The following PTPRE variants were observed in gnomAD, a reference collection of about 807,000 sequenced individuals.
PTPRE encodes receptor-type tyrosine-protein phosphatase epsilon.
Under a neutral mutation model 102.0 loss-of-function variants are expected in PTPRE, and 51 were observed. The ratio of observed to expected loss-of-function variants is 0.50; its 90% CI spans 0.40 to 0.63. PTPRE has a LOEUF of 0.63. Ranked by LOEUF, PTPRE falls within the 30% of genes least tolerant of loss-of-function variation. The pLI, the probability that PTPRE is intolerant of heterozygous loss-of-function variation, is 0.00. For synonymous variants in PTPRE, 345 were observed against 348.2 expected (o/e 0.99, Z 0.10); for missense variants, 752 against 915.1 (o/e 0.82, Z 2.30).
At chr10:128,022,134 T>C (rs925717371) in intron 2 of PTPRE, among the ~76,000 whole-genome samples, 3 of 152,138 alleles carry the variant, frequency 2.0e-5, no homozygotes, top group Non-Finnish European at 2.9e-5. Flanking sequence ...GAAGAGGTGG[T>C]CTTGACCTGA....
intron 10 of PTPRE, 116 bp downstream of exon 10, chr10:128,063,296 A>C: frequency 1.3e-6 from 2 of 1,490,964 alleles, no homozygotes; most frequent in Admixed American, 2.3e-5. Context: ...CTATCACTGC[A>C]GAAAAAAACC....
intron 1 of PTPRE, among the ~76,000 whole-genome samples, chr10:127,917,280 C>T (rs933797961): frequency 6.6e-6 from 1 of 151,490 alleles, no homozygotes; most frequent in Non-Finnish European, 1.5e-5. Flanking sequence ...GCAGCTGATT[C>T]CAGCAGGGAG....
intron 15 of PTPRE, 24 bp from the exon 16 acceptor site, chr10:128,072,114 C>T (rs1421937612): frequency 6.2e-7 from 1 of 1,606,018 alleles, no homozygotes; most frequent in Non-Finnish European, 8.5e-7. Flanking sequence ...TTTGTAATAA[C>T]TAAAGGAAGA....
chr10:127,910,132 C>T (rs537406186), intron 1 of PTPRE, among the ~76,000 whole-genome samples: 1 of 152,358 alleles, frequency 6.6e-6, no homozygotes, highest in Admixed American at 6.5e-5. Context: ...AGGGTAAAGA[C>T]TGGCCTTCTT....
chr10:128,072,212 G>A lies in PTPRE; in HGVS notation c.1462G>A (p.Asp488Asn). The A allele has an allele frequency of 6.2e-7, 1 of 1,613,094 alleles. No homozygotes were observed. The highest frequency in any genetic ancestry group is 8.5e-7 in the Non-Finnish European group (1 of 1,179,284). The part of the protein sequence containing the change: ...YTDYINASFI[D>N]GYRQKDYFIA... ...AGACTACATCAACGCATCCTTCATAGACGTACGTATGCTGGCCTGGGTTGT... is the reference window on the plus strand; with the variant it reads ...AGACTACATCAACGCATCCTTCATAAACGTACGTATGCTGGCCTGGGTTGT... Residue 488 changes from aspartate (D) to asparagine (N), a missense_variant and splice_region_variant, in exon 16 of 21, where the codon GAC becomes AAC. Physicochemically the swap from Asp to Asn is conservative, Grantham distance 23. Around this residue, in one of 2 missense-constraint regions of PTPRE, gnomAD observed 636 missense variants for 824.4 expected, o/e 0.77. Coordinates refer to ENST00000254667, the MANE Select transcript of PTPRE (RefSeq NM_006504.6).
rs142491488 is a variant in PTPRE, at chr10:128,011,411, G to A, written c.-8+29115G>A. 1.2e-3 allele frequency among the ~76,000 whole-genome samples: 180 copies of A among 152,328 alleles called. 2 individuals carry two copies. Among genetic ancestry groups the A allele is most frequent in the African/African-American group, 4.2e-3 (176 of 41,582 alleles). On this transcript the variant is annotated intron_variant, in intron 2 of 20. Coordinates refer to ENST00000254667, the MANE Select transcript of PTPRE (RefSeq NM_006504.6). ...TGCAAGGATACTGGTTGAGGTGACTGGGGGACCCCGGAGGAGGCGCGGGTT... is the reference window on the plus strand; with the variant it reads ...TGCAAGGATACTGGTTGAGGTGACTAGGGGACCCCGGAGGAGGCGCGGGTT...
intron 1 of PTPRE, among the ~76,000 whole-genome samples, chr10:127,960,379 GA>G (rs1449409359): frequency 6.6e-6 from 1 of 152,202 alleles, no homozygotes; most frequent in East Asian, 1.9e-4. Context: ...TAATAGCAAA[GA>G]TTTCTTATTT....
rs765958360 is a variant in PTPRE, at chr10:128,056,200, C to T, written c.498C>T (p.Pro166=). The T allele has an allele frequency of 4.4e-5, 70 of 1,604,826 alleles. No homozygotes were observed. Among genetic ancestry groups the T allele is most frequent in the Non-Finnish European group, 5.8e-5 (68 of 1,171,732 alleles). ...KEENREKNRY[P]NILPNDHSRV... is the part of the protein sequence containing the mutation. ...AAAACAGAGAAAAAAACAGATATCC[C>T]AACATCCTTCCCAGTAAGATTTTAT... is the stretch of plus-strand genomic sequence containing the variant. Residue 166 remains proline, a synonymous_variant, in exon 7 of 21, where the codon CCC becomes CCT. Transcript: ENST00000254667.
intron 1 of PTPRE, among the ~76,000 whole-genome samples, chr10:127,942,882 C>T (rs542605441): frequency 4.6e-5 from 7 of 152,178 alleles, no homozygotes; most frequent in East Asian, 1.9e-4. Context: ...TCATTTTACA[C>T]GTACATTACC....
intron 2 of PTPRE, among the ~76,000 whole-genome samples, chr10:128,027,036 T>C (rs1276956207): frequency 6.6e-6 from 1 of 152,218 alleles, no homozygotes; most frequent in African/African-American, 2.4e-5. Context: ...GGTGCAGTAT[T>C]AGATACAGAC....
chr10:127,976,782 T>A (rs1385823268), intron 1 of PTPRE, among the ~76,000 whole-genome samples: 1 of 152,134 alleles, frequency 6.6e-6, no homozygotes, highest in Admixed American at 6.5e-5. Context: ...CATTAGAAAA[T>A]ATAGACATTA....
At position 128,083,726 on chromosome 10, in the gene PTPRE, C is replaced by G. The variant is rs71474245; in HGVS notation, c.*820C>G. The G allele has an allele frequency of 0.1, 15,665 of 152,384 alleles. 841 individuals are homozygous for G. The highest frequency in any genetic ancestry group is 0.14 in the Admixed American group (2,135 of 15,308). The allele number at this position is 152,384 out of a possible 1,614,324, so 9.4% of individuals were successfully genotyped here. A position where few individuals can be genotyped will look rare whatever the true frequency, so the allele number is the denominator to read the frequency against. On this transcript the variant is annotated 3_prime_UTR_variant, in exon 21 of 21. Transcript: ENST00000254667. The stretch of plus-strand genomic sequence containing the variant: ...AAAAACCAGCTGCCTCTCCCATTCT[C>G]CCCTCCCGTTCTGCCACAGCGGCCT...
chr10:128,020,924 G>A (rs1235984139), intron 2 of PTPRE, among the ~76,000 whole-genome samples: 1 of 150,690 alleles, frequency 6.6e-6, no homozygotes, highest in Non-Finnish European at 1.5e-5. Context: ...TTGAGATGGA[G>A]TCTCACTCTG....
rs79506290 is a variant in PTPRE at position 127,943,100 on chromosome 10, C to G, written c.-31+35791C>G. On this transcript the variant is annotated intron_variant, in intron 1 of 20. Coordinates refer to ENST00000254667, the MANE Select transcript of PTPRE (RefSeq NM_006504.6). Reference sequence around the variant, plus strand: ...CCAGCTCTGCCAGACATCCACACATCCTGTCTAATGAAAACAGTAAGACTG... The same window carrying G: ...CCAGCTCTGCCAGACATCCACACATGCTGTCTAATGAAAACAGTAAGACTG... Among the ~76,000 whole-genome samples, 27 of 152,274 alleles carry G rather than the reference C, an allele frequency of 1.8e-4. No individual in the cohort carries two copies. In the East Asian group the frequency reaches 3.1e-3, roughly 17 times the overall value.
At chr10:128,056,280 C>A in intron 7 of PTPRE, 67 bp downstream of exon 7, 2 of 1,321,394 alleles carry the variant, frequency 1.5e-6, no homozygotes, top group Non-Finnish European at 2.2e-6. Flanking sequence ...TGCCTTGCAG[C>A]TCCCCGTGAC....
At chr10:127,968,973 C>G (rs987442026) in intron 1 of PTPRE, among the ~76,000 whole-genome samples, 6 of 152,224 alleles carry the variant, frequency 3.9e-5, no homozygotes, top group Non-Finnish European at 5.9e-5. Flanking sequence ...AATATAAACA[C>G]TTTCCTGGTG....
chr10:127,915,825 A>G (rs1174123754), intron 1 of PTPRE, among the ~76,000 whole-genome samples: 1 of 152,180 alleles, frequency 6.6e-6, no homozygotes, highest in East Asian at 1.9e-4. Context: ...TCTATAACTT[A>G]TGATGGTTTT....
At chr10:128,066,041 G>A in intron 10 of PTPRE, 34 bp from the exon 11 acceptor site, 1 of 1,614,172 alleles carries the variant, frequency 6.2e-7, no homozygotes, top group African/African-American at 1.3e-5. Flanking sequence ...TGCACCCACA[G>A]ATCTATTTGC....
intron 1 of PTPRE, among the ~76,000 whole-genome samples, chr10:127,920,058 G>A (rs116618227): frequency 1.3e-5 from 2 of 152,180 alleles, no homozygotes; most frequent in African/African-American, 4.8e-5. Flanking sequence ...CTAGCAGGCA[G>A]GAAGTGTGGC....
Sources: allele counts gnomAD v4.1 joint callset (sites outside exome capture counted in the v4.1 genomes callset), GRCh38; gene constraint gnomAD v4.1.1; regional missense constraint gnomAD v4.1.1; transcripts MANE v1.5; gene names NCBI Gene and HGNC (gene_info 2026-07-23, HGNC 2026-07-21).